The following AGXT2 variants were observed in gnomAD, a reference collection of about 807,000 sequenced individuals.
AGXT2 encodes the protein alanine--glyoxylate aminotransferase 2, mitochondrial.
In AGXT2, 61 loss-of-function variants were observed where a neutral mutation model predicts 62.5. That is an observed-to-expected ratio of 0.98 (90% CI 0.79 to 1.21). AGXT2 has a LOEUF of 1.21. AGXT2 is among the 50% of genes most tolerant of loss of function. The pLI is 0.00. For missense variants in AGXT2, 666 were observed against 641.5 expected (o/e 1.04, Z -0.41); for synonymous variants, 243 against 218.7 (o/e 1.11, Z -0.98).
chr5:35,017,962 A>G (rs1766914112), intron 9 of AGXT2, among the ~76,000 whole-genome samples: 1 of 152,224 alleles, frequency 6.6e-6, no homozygotes, highest in Admixed American at 6.5e-5. Flanking sequence ...CAACTGGAAG[A>G]AAGGGTATCA....
chr5:35,010,248 A>G, intron 11 of AGXT2, 99 bp from the exon 12 acceptor site: 1 of 1,437,134 alleles, frequency 7.0e-7, no homozygotes, highest in East Asian at 2.3e-5. Flanking sequence ...TTGTAACTTA[A>G]CCAAACAGAA....
chr5:35,016,533 T>G (rs1352934188), intron 9 of AGXT2, among the ~76,000 whole-genome samples: 1 of 152,158 alleles, frequency 6.6e-6, no homozygotes, highest in Non-Finnish European at 1.5e-5. Context: ...CAAACGTCTG[T>G]GGTCACCAGT....
chr5:35,004,246 A>G (rs1766341228), intron 12 of AGXT2, among the ~76,000 whole-genome samples: 2 of 152,160 alleles, frequency 1.3e-5, no homozygotes, highest in African/African-American at 2.4e-5. Context: ...TGTTCTGCCC[A>G]TGGAAAGGGC....
intron 3 of AGXT2, among the ~76,000 whole-genome samples, chr5:35,037,450 T>C (rs1371322146): frequency 6.6e-6 from 1 of 152,188 alleles, no homozygotes; most frequent in Non-Finnish European, 1.5e-5. Flanking sequence ...ATTTTATTTT[T>C]CTAAAGAAGA....
At chr5:35,011,287 C>A (rs1324638825) in intron 11 of AGXT2, among the ~76,000 whole-genome samples, 1 of 151,930 alleles carries the variant, frequency 6.6e-6, no homozygotes, top group African/African-American at 2.4e-5. Context: ...TGGTGAAACC[C>A]CATCTCTACT....
Position 34,998,655 on chromosome 5 carries a change from A to C in AGXT2, c.*64T>G. ...ATACCAGTGGTTCTGAAATTCTTCA[A>C]ATTCACCCTTGAACATACGTGGCAA... On this transcript the variant is annotated 3_prime_UTR_variant, in exon 14 of 14. Transcript: ENST00000231420. 2.2e-6 allele frequency: 3 copies of C among 1,363,320 alleles called. No individual in the cohort carries two copies. Among genetic ancestry groups the C allele is most frequent in the Non-Finnish European group, 3.1e-6 (3 of 960,588 alleles). The allele number at this position is 1,363,320 out of a possible 1,614,324, so 84.5% of individuals were successfully genotyped here.
At chr5:35,006,336 C>T (rs1766416326) in intron 12 of AGXT2, among the ~76,000 whole-genome samples, 1 of 152,164 alleles carries the variant, frequency 6.6e-6, no homozygotes, top group Non-Finnish European at 1.5e-5. Flanking sequence ...AAAGGAATAC[C>T]TGAGACTGGG....
intron 9 of AGXT2, among the ~76,000 whole-genome samples, chr5:35,021,229 G>T (rs1479575853): frequency 6.6e-6 from 1 of 152,118 alleles, no homozygotes; most frequent in Non-Finnish European, 1.5e-5. Flanking sequence ...CTACTTCAAA[G>T]TTCATATGGA....
Position 35,039,312 on chromosome 5 carries a change from A to T in AGXT2, c.362+12T>A. 6.2e-7 allele frequency: 1 copy of T among 1,613,260 alleles called. No homozygotes were observed. The highest frequency in any genetic ancestry group is 1.7e-4 in the Middle Eastern group (1 of 6,056). ...TTTGGAATAAAAATCTCCAGATTTT[A>T]AGGATACTCACGGGTGGCAATGGCC... On this transcript the variant is annotated intron_variant, in intron 3 of 13. Coordinates refer to ENST00000231420, the MANE Select transcript of AGXT2 (RefSeq NM_031900.4).
chr5:35,045,764 CTTTTTTTTT>C (rs1255749919), intron 1 of AGXT2, among the ~76,000 whole-genome samples: 1 of 99,164 alleles, frequency 1.0e-5, no homozygotes, highest in Admixed American at 1.2e-4. Context: ...TTTCTTTTTT[CTTTTTTTTT>C]TTTTTTTTTT....
chr5:35,012,855 C>T lies in AGXT2; in HGVS notation c.1188+99G>A, dbSNP rs1766696313. 3 of 1,102,954 alleles carry T rather than the reference C, an allele frequency of 2.7e-6. No individual in the cohort carries two copies. The South Asian group carries it at 4.0e-5, about 15-fold the overall frequency. 68.3% of individuals were successfully genotyped at this position (1,102,954 alleles called of 1,614,324 possible). On this transcript the variant is annotated intron_variant, in intron 11 of 13. Transcript: ENST00000231420. ...GGATAAACTATGAATTAACTCTCCC[C>T]TTTAACAACTCAGCATGATAGAGTT...
At chr5:35,001,699 T>G (rs1766232334) in intron 13 of AGXT2, among the ~76,000 whole-genome samples, 1 of 152,178 alleles carries the variant, frequency 6.6e-6, no homozygotes. Flanking sequence ...CTGTGTGGTG[T>G]GATGTGGTGT....
At chr5:35,032,648 T>C in intron 7 of AGXT2, 84 bp downstream of exon 7, 2 of 1,234,666 alleles carry the variant, frequency 1.6e-6, no homozygotes, top group Non-Finnish European at 2.3e-6. Context: ...CAAATTCAAT[T>C]GTTCCCTCAG....
Position 35,032,811 on chromosome 5 carries a change from A to G in AGXT2, c.690T>C (p.Asp230=). The change falls in exon 7 of 14, where the codon GAT becomes GAC. Residue 230 remains aspartate, a synonymous_variant. Transcript: ENST00000231420. ...TTCCTCCCCAAGGGCCACGAAAAAC[A>G]TCTGGACACATTGTCTGCAAATGAC... is the stretch of plus-strand genomic sequence containing the variant. The part of the protein sequence containing the change: ...GTGCQPTMCP[D]VFRGPWGGSH... The G allele has an allele frequency of 6.2e-7, 1 of 1,604,892 alleles. No individual in the cohort carries two copies. Among genetic ancestry groups the G allele is most frequent in the Non-Finnish European group, 8.5e-7 (1 of 1,175,264 alleles).
intron 12 of AGXT2, among the ~76,000 whole-genome samples, chr5:35,008,275 A>G (rs1163516276): frequency 2.6e-5 from 4 of 152,216 alleles, no homozygotes; most frequent in Admixed American, 6.5e-5. Context: ...CTTGCTTTGT[A>G]TGAACGGTCA....
At chr5:35,029,607 A>T (rs1367843299) in intron 7 of AGXT2, among the ~76,000 whole-genome samples, 1 of 152,258 alleles carries the variant, frequency 6.6e-6, no homozygotes, top group Non-Finnish European at 1.5e-5. Flanking sequence ...AGGATGACGA[A>T]GGAAGAATTT....
intron 1 of AGXT2, among the ~76,000 whole-genome samples, chr5:35,043,422 T>C (rs952927174): frequency 4.6e-5 from 7 of 152,210 alleles, no homozygotes; most frequent in Non-Finnish European, 8.8e-5. Context: ...AATGCTCATA[T>C]AATGTGTGAA....
In AGXT2 at chr5:35,040,667, A is replaced by G. The variant is rs753382471; in HGVS notation, c.89-4T>C. 7.4e-6 allele frequency: 12 copies of G among 1,611,460 alleles called. No individual in the cohort carries two copies. The highest frequency in any genetic ancestry group is 1.0e-5 in the Non-Finnish European group (12 of 1,177,662). On this transcript the variant is annotated splice_region_variant and splice_polypyrimidine_tract_variant and intron_variant, in intron 1 of 13. Coordinates refer to ENST00000231420, the MANE Select transcript of AGXT2 (RefSeq NM_031900.4). Reference sequence around the variant, plus strand: ...ACTGATGTCCGGGAAGTACCTACTGAAAGTGAAGTGAGTTAGAATCCTCAA... The same window carrying G: ...ACTGATGTCCGGGAAGTACCTACTGGAAGTGAAGTGAGTTAGAATCCTCAA...
Position 35,031,415 on chromosome 5 carries a change from C to G in AGXT2, c.769+1317G>C, listed in dbSNP as rs758718636. Among the ~76,000 whole-genome samples, 9 of 152,054 alleles carry G rather than the reference C, an allele frequency of 5.9e-5. No individual in the cohort carries two copies. In the South Asian group the frequency reaches 1.7e-3, roughly 28 times the overall value. On this transcript the variant is annotated intron_variant, in intron 7 of 13. Transcript: ENST00000231420. ...TTTAAGACGATGGTGAATTTTTTTC[C>G]TTTCAGAGCTGGTTTTTAAGACTTC...
Sources: gnomAD v4.1 joint callset for allele counts (sites outside exome capture counted in the v4.1 genomes callset) on GRCh38, gnomAD v4.1.1 for gene constraint, MANE v1.5 for transcripts, NCBI Gene and HGNC (gene_info 2026-07-23, HGNC 2026-07-21) for gene names.